The following KLK6 variants were observed in gnomAD, a reference collection of about 807,000 sequenced individuals.
KLK6 encodes the protein kallikrein related peptidase 6.
Under a neutral mutation model 21.7 loss-of-function variants are expected in KLK6, and 16 were observed. The ratio of observed to expected loss-of-function variants is 0.74; its 90% confidence interval spans 0.50 to 1.12. The LOEUF (loss-of-function observed/expected upper bound fraction) is 1.12, where lower values mean the gene tolerates loss of function less well. KLK6 is among the 50% of genes most tolerant of loss of function. The pLI is 0.00. For missense variants in KLK6, 276 were observed against 304.6 expected, an observed-to-expected ratio of 0.91 and a Z score of 0.70; for synonymous variants, 116 against 120.1, an observed-to-expected ratio of 0.97 and a Z score of 0.22.
chr19:50,963,442 C>T lies in KLK6; in HGVS notation c.305G>A (p.Ser102Asn). The T allele has an allele frequency of 6.2e-7, 1 of 1,614,228 alleles. No individual in the cohort carries two copies. The highest frequency in any genetic ancestry group is 1.1e-5 in the South Asian group (1 of 91,086). Residue 102 changes from serine to asparagine, a missense_variant, in exon 5 of 7, where the codon AGC becomes AAC. Ser to Asn is a conservative substitution (Grantham distance 46, BLOSUM62 1). Coordinates refer to ENST00000310157, the MANE Select transcript of KLK6 (RefSeq NM_002774.4). Reference protein sequence around the residue: ...AVIHPDYDAASHDQDIMLLRL... With the variant: ...AVIHPDYDAANHDQDIMLLRL... ...CAACAGCATGATGTCCTGGTCATGGCTGGCGGCATCATAGTCAGGGTGGAT... is the reference window on the plus strand; with the variant it reads ...CAACAGCATGATGTCCTGGTCATGGTTGGCGGCATCATAGTCAGGGTGGAT...
At chr19:50,968,330 C>T (rs1029580092) in intron 2 of KLK6, 3 of 609,092 alleles carry the variant, frequency 4.9e-6, no homozygotes, top group Admixed American at 2.6e-5. Context: ...TTCAGAACTA[C>T]GTCCACTGGT....
chr19:50,968,938 C>G (rs1156833694), intron 1 of KLK6: 1 of 155,662 alleles, frequency 6.4e-6, no homozygotes, highest in African/African-American at 2.4e-5. Flanking sequence ...GAGCACTGGT[C>G]CCTGAGTGCA....
chr19:50,964,865 C>G (rs762767079), intron 4 of KLK6, among the ~76,000 whole-genome samples: 2 of 152,194 alleles, frequency 1.3e-5, no homozygotes, highest in African/African-American at 2.4e-5. Context: ...CTTCTGCCCC[C>G]CAGTGAACGG....
chr19:50,962,816 C>G, intron 5 of KLK6: 1 of 167,864 alleles, frequency 6.0e-6, no homozygotes, highest in Non-Finnish European at 1.3e-5. Context: ...AGTGACTCCT[C>G]TGGACCATTG....
At chr19:50,964,921 G>A (rs2122139403) in intron 4 of KLK6, among the ~76,000 whole-genome samples, 1 of 152,206 alleles carries the variant, frequency 6.6e-6, no homozygotes, top group East Asian at 1.9e-4. Flanking sequence ...TCACCTCAGG[G>A]GTGTTATCAC....
At chr19:50,966,415 C>T (rs779289092) in intron 4 of KLK6, among the ~76,000 whole-genome samples, 3 of 152,238 alleles carry the variant, frequency 2.0e-5, no homozygotes, top group Non-Finnish European at 4.4e-5. Flanking sequence ...CCTCCTATGT[C>T]GCCGGATGAA....
chr19:50,967,388 C>T, intron 3 of KLK6, 63 bp from the exon 4 acceptor site: 1 of 1,486,686 alleles, frequency 6.7e-7, no homozygotes, highest in South Asian at 1.3e-5. Flanking sequence ...TCCCCCTCAA[C>T]ATGAACTCCA....
intron 3 of KLK6, among the ~76,000 whole-genome samples, chr19:50,967,551 A>ACACACACACACACACAC (rs1555781646): frequency 8.4e-5 from 12 of 143,344 alleles, no homozygotes; most frequent in South Asian, 2.2e-4. Flanking sequence ...ACACACACAC[A>ACACACACACACACACAC]AATTAGCAGG....
intron 6 of KLK6, among the ~76,000 whole-genome samples, chr19:50,960,696 A>G (rs912337455): frequency 6.6e-6 from 1 of 151,858 alleles, no homozygotes; most frequent in East Asian, 1.9e-4. Flanking sequence ...GGGTTTAAGC[A>G]ATTCTCCAGC....
intron 6 of KLK6, 26 bp from the exon 7 acceptor site, chr19:50,959,342 A>C (rs1227886511): frequency 3.7e-6 from 6 of 1,608,576 alleles, no homozygotes; most frequent in Non-Finnish European, 5.1e-6. Flanking sequence ...AGAAAGTCAG[A>C]TACAGATAGA....
intron 4 of KLK6, 183 bp from the exon 5 acceptor site, chr19:50,963,732 C>T: frequency 1.5e-6 from 1 of 660,296 alleles, no homozygotes; most frequent in Non-Finnish European, 2.5e-6. Context: ...TTATTTCATG[C>T]CCTACATCCA....
intron 4 of KLK6, among the ~76,000 whole-genome samples, chr19:50,965,366 C>A (rs2090908496): frequency 6.6e-6 from 1 of 151,966 alleles, no homozygotes; most frequent in Admixed American, 6.6e-5. Flanking sequence ...CTCACTGCAA[C>A]CTCCGCCTCC....
rs2090875018 is a variant in KLK6 at position 50,963,354 on chromosome 19, G to T, written c.393C>A (p.Cys131Ter). The change falls in exon 5 of 7, where the codon TGC (cysteine) becomes TGA (stop). Residue 131 changes from cysteine to a stop codon, truncating the protein, a stop_gained. Coordinates refer to ENST00000310157, the MANE Select transcript of KLK6 (RefSeq NM_002774.4). LOFTEE classifies it high-confidence loss of function. ...TGTGGCAGCTGGTGGTGTTGGCTGA[G>T]CAGTCCCTCTCCAGGGGAAGGGGCT... ...LIQPLPLERD[C>*]SANTTSCHIL... is the part of the protein sequence containing the mutation. 2 of 1,614,072 alleles carry T rather than the reference G, an allele frequency of 1.2e-6. No homozygotes were observed. Among genetic ancestry groups the T allele is most frequent in the Non-Finnish European group, 1.7e-6 (2 of 1,180,050 alleles).
At chr19:50,968,296 C>G in intron 2 of KLK6, 184 bp from the exon 3 acceptor site, 1 of 651,910 alleles carries the variant, frequency 1.5e-6, no homozygotes, top group South Asian at 1.7e-5. Flanking sequence ...TCAGAGGATC[C>G]CACGAAAACA....
rs747147602 is a variant in KLK6 at position 50,959,113 on chromosome 19, G to A, written c.*51C>T. 3.7e-6 allele frequency: 6 copies of A among 1,606,656 alleles called. No homozygotes were observed. The highest frequency in any genetic ancestry group is 2.7e-5 in the African/African-American group (2 of 74,792). ...GCAAGGTCTAGGTGAGAGACGTTCTGGAACCAGCCAGTGGGGTGGTAGGTC... is the reference window on the plus strand; with the variant it reads ...GCAAGGTCTAGGTGAGAGACGTTCTAGAACCAGCCAGTGGGGTGGTAGGTC... On this transcript the variant is annotated 3_prime_UTR_variant, in exon 7 of 7. Coordinates refer to ENST00000310157, the MANE Select transcript of KLK6 (RefSeq NM_002774.4).
intron 2 of KLK6, 37 bp downstream of exon 2, chr19:50,968,504 G>A (rs1412976281): frequency 1.9e-5 from 4 of 212,646 alleles, no homozygotes; most frequent in East Asian, 1.1e-4. Context: ...CACCCACCCC[G>A]CCCACCCGGC....
In KLK6 at chr19:50,958,800, C is replaced by T; in HGVS notation, c.*364G>A. ...ATCTGCAGTGAAGAAAGGTACATCCCAAGGGGACACCGACAGTAAGCAGCG... is the reference window on the plus strand; with the variant it reads ...ATCTGCAGTGAAGAAAGGTACATCCTAAGGGGACACCGACAGTAAGCAGCG... On this transcript the variant is annotated 3_prime_UTR_variant, in exon 7 of 7. Transcript: ENST00000310157. The T allele has an allele frequency of 3.6e-6, 1 of 279,558 alleles. No individual in the cohort carries two copies. The highest frequency in any genetic ancestry group is 6.8e-6 in the Non-Finnish European group (1 of 146,046). 17.3% of individuals were successfully genotyped at this position (279,558 alleles called of 1,614,324 possible). A position where few individuals can be genotyped will look rare whatever the true frequency, so the allele number is the denominator to read the frequency against.
At chr19:50,962,104 T>G (rs2090851785) in intron 5 of KLK6, 1 of 479,642 alleles carries the variant, frequency 2.1e-6, no homozygotes. Context: ...GCTGTCTTCC[T>G]CATTAATAGT....
intron 5 of KLK6, 147 bp downstream of exon 5, chr19:50,963,154 AC>A (rs1296115708): frequency 6.9e-6 from 8 of 1,153,452 alleles, no homozygotes; most frequent in Non-Finnish European, 8.5e-6. Flanking sequence ...CTCCCCCTTG[AC>A]CTTTCTCCCA....
Sources: gnomAD v4.1 joint callset for allele counts (sites outside exome capture counted in the v4.1 genomes callset) on GRCh38, gnomAD v4.1.1 for gene constraint, MANE v1.5 for transcripts, NCBI Gene and HGNC (gene_info 2026-07-23, HGNC 2026-07-21) for gene names.